SPAG8: variants seen among roughly 807,000 people sequenced by gnomAD.
SPAG8 encodes the protein sperm-associated antigen 8.
Under a neutral mutation model 45.3 loss-of-function variants are expected in SPAG8, and 36 were observed. That is an observed-to-expected ratio of 0.80 (90% CI 0.61 to 1.05). SPAG8 has a LOEUF of 1.05. Among genes scored for constraint, SPAG8 ranks in the 50% least tolerant of loss-of-function variants. The probability of loss-of-function intolerance (pLI) is 0.00; values close to 1 mark genes in which losing one functional copy is unlikely to be tolerated. For missense variants in SPAG8, 573 were observed against 609.2 expected (o/e 0.94, Z 0.63); for synonymous variants, 227 against 232.6 (o/e 0.98, Z 0.22).
At chr9:35,809,363 C>T, downstream of SPAG8, 1 of 1,613,958 alleles carries the variant, frequency 6.2e-7, no homozygotes, top group Non-Finnish European at 8.5e-7. The surrounding 1 kb of genome is among the most constrained non-coding windows in gnomAD (Gnocchi z 4.1). Context: ...GAATCATGTC[C>T]ACTCTCCCAC....
chr9:35,809,879 C>T lies in SPAG8; in HGVS notation c.*59G>A, dbSNP rs1011876481. On this transcript the variant is annotated 3_prime_UTR_variant, in exon 7 of 7. Transcript: ENST00000396638. The surrounding 1 kb of genome is among the most constrained non-coding windows in gnomAD (Gnocchi z 4.1). ...CAGTGAGAATTAACTTCCTCCCGAC[C>T]TCTCTAGTGCAGACAGAAATAGATT... is the stretch of plus-strand genomic sequence containing the variant. The T allele has an allele frequency of 4.6e-6, 7 of 1,534,518 alleles. No homozygotes were observed. The highest frequency in any genetic ancestry group is 6.1e-6 in the Non-Finnish European group (7 of 1,145,610).
At chr9:35,808,111 G>A (rs542067234), downstream of SPAG8, 2 of 1,241,340 alleles carry the variant, frequency 1.6e-6, no homozygotes, top group South Asian at 2.4e-5. The surrounding 1 kb of genome is among the most constrained non-coding windows in gnomAD (Gnocchi z 4.0). Context: ...TCAAATGCCT[G>A]CTTTCCTCCT....
downstream of SPAG8, chr9:35,808,875 C>A: frequency 7.4e-7 from 1 of 1,344,414 alleles, no homozygotes; most frequent in Non-Finnish European, 1.1e-6. This position sits in a 1 kb window ranked among gnomAD's most constrained non-coding sequence, Gnocchi z 4.0. Flanking sequence ...GCCCTCAACC[C>A]CACTGTTGGC....
chr9:35,809,904 T>G lies in SPAG8; in HGVS notation c.*34A>C, dbSNP rs571101742. Reference sequence around the variant, plus strand: ...CTCTCTAGTGCAGACAGAAATAGATTCCATATTCCATACCCCACTTCCCTC... The same window carrying G: ...CTCTCTAGTGCAGACAGAAATAGATGCCATATTCCATACCCCACTTCCCTC... On this transcript the variant is annotated 3_prime_UTR_variant, in exon 7 of 7. Transcript: ENST00000396638. This position sits in a 1 kb window ranked among gnomAD's most constrained non-coding sequence, Gnocchi z 4.1. 45 of 1,540,726 alleles carry G rather than the reference T, an allele frequency of 2.9e-5. No homozygotes were observed. The highest frequency in any genetic ancestry group is 2.8e-4 in the African/African-American group (20 of 72,336).
chr9:35,809,088 C>T (rs937721911), downstream of SPAG8: 3 of 1,423,062 alleles, frequency 2.1e-6, no homozygotes, highest in Non-Finnish European at 2.0e-6. This position sits in a 1 kb window ranked among gnomAD's most constrained non-coding sequence, Gnocchi z 4.1. Context: ...TATACAGTAT[C>T]ACCAATTATT....
Position 35,810,702 on chromosome 9 carries a change from T to C in SPAG8, c.1040-20A>G. On this transcript the variant is annotated intron_variant, in intron 3 of 6. Coordinates refer to ENST00000396638, the MANE Select transcript of SPAG8 (RefSeq NM_001039592.2). ...GCTTCCCTGTGAGAGAGTTGGGGGG[T>C]GGGCAAGGTGGGGTCTGGTTAAGAA... 1 of 1,613,258 alleles carries C rather than the reference T, an allele frequency of 6.2e-7. No homozygotes were observed. Among genetic ancestry groups the C allele is most frequent in the East Asian group, 2.2e-5 (1 of 44,842 alleles).
Position 35,811,857 on chromosome 9 carries a change from G to A in SPAG8, c.189C>T (p.Ala63=). The change falls in exon 2 of 7, where the codon GCC becomes GCT. Residue 63 remains alanine (A), a synonymous_variant. Transcript: ENST00000396638. ...AAASAAAATA[A]FTTAKAAALS... ...ATGCAGCTGCTTTGGCAGTGGTGAA[G>A]GCTGCAGTAGCTGCAGCAGCTGATG... 6.2e-7 allele frequency: 1 copy of A among 1,611,180 alleles called. No individual in the cohort carries two copies. Among genetic ancestry groups the A allele is most frequent in the Non-Finnish European group, 8.5e-7 (1 of 1,177,730 alleles).
chr9:35,811,001 A>G lies in SPAG8; in HGVS notation c.921T>C (p.Phe307=), dbSNP rs771450637. The change falls in exon 3 of 7, where the codon TTT becomes TTC. Residue 307 remains phenylalanine, a synonymous_variant. Coordinates refer to ENST00000396638, the MANE Select transcript of SPAG8 (RefSeq NM_001039592.2). Reference sequence around the variant, plus strand: ...GTCCCCGGTGTCCGTGTCGGAAGAAAAAACTCTCAGAGCCATCCTGCATGC... The same window carrying G: ...GTCCCCGGTGTCCGTGTCGGAAGAAGAAACTCTCAGAGCCATCCTGCATGC... ...VPSMQDGSES[F]FFRHGHRGLL... is the part of the protein sequence containing the mutation. 3.7e-6 allele frequency: 6 copies of G among 1,613,894 alleles called. No homozygotes were observed. In the East Asian group the frequency reaches 8.9e-5, roughly 24 times the overall value.
downstream of SPAG8, chr9:35,809,783 T>C: frequency 6.4e-7 from 1 of 1,553,510 alleles, no homozygotes; most frequent in Non-Finnish European, 8.7e-7. The surrounding 1 kb of genome is among the most constrained non-coding windows in gnomAD (Gnocchi z 4.1). Context: ...ATGCACACAG[T>C]GACTCACAGA....
At chr9:35,809,453 T>C (rs1370208213), downstream of SPAG8, 2 of 1,614,048 alleles carry the variant, frequency 1.2e-6, no homozygotes, top group African/African-American at 1.3e-5. The surrounding 1 kb of genome is among the most constrained non-coding windows in gnomAD (Gnocchi z 4.1). Context: ...TAAACCCCCA[T>C]TCTTTCCAAG....
downstream of SPAG8, chr9:35,808,310 G>C (rs761190573): frequency 4.4e-6 from 7 of 1,596,812 alleles, no homozygotes; most frequent in Non-Finnish European, 6.0e-6. The surrounding 1 kb of genome is among the most constrained non-coding windows in gnomAD (Gnocchi z 4.0). Flanking sequence ...CCAGGTGCTG[G>C]GTGGAGAAAG....
At position 35,811,257 on chromosome 9, in the gene SPAG8, G is replaced by A. The variant is rs757381923; in HGVS notation, c.789C>T (p.Asp263=). ...AGCAAACCATAAGCTTCCCTTTAAT[G>A]TCTGGGGGTTTCCATAGTCCTCGGG... The part of the protein sequence containing the change: ...PGARGLWKPP[D]IKGKLMVCYE... The change falls in exon 2 of 7, where the codon GAC becomes GAT. Residue 263 remains aspartate, a synonymous_variant. Transcript: ENST00000396638. 10 of 1,612,322 alleles carry A rather than the reference G, an allele frequency of 6.2e-6. No individual in the cohort carries two copies. The highest frequency in any genetic ancestry group is 1.7e-5 in the Admixed American group (1 of 59,858).
Position 35,811,376 on chromosome 9 carries a change from G to C in SPAG8, c.670C>G (p.Arg224Gly), listed in dbSNP as rs762006476. Residue 224 changes from arginine to glycine, a missense_variant, in exon 2 of 7, where the codon CGG (arginine) becomes GGG (glycine). Coordinates refer to ENST00000396638, the MANE Select transcript of SPAG8 (RefSeq NM_001039592.2). ...CTCCAGGAGGTATAGTTAGGGACCC[G>C]ATCTGCCACCAGGTTTCTGAACCCT... ...PPGFRNLVAD[R>G]VPNYTSWSQH... The C allele has an allele frequency of 1.2e-5, 20 of 1,614,146 alleles. No homozygotes were observed. The highest frequency in any genetic ancestry group is 1.7e-5 in the Non-Finnish European group (20 of 1,180,028).
rs1828747565 is a variant in SPAG8, at chr9:35,810,785, TA to T, written c.1039+97del. On this transcript the variant is annotated intron_variant, in intron 3 of 6. Transcript: ENST00000396638. ...AAGAAGAACCTTGGGGTTCCGCCCTTATATCCACTGGAGAATCCACAGCCCC... is the reference window on the plus strand; with the variant it reads ...AAGAAGAACCTTGGGGTTCCGCCCTTTATCCACTGGAGAATCCACAGCCCC... 1.1e-5 allele frequency: 17 copies of T among 1,598,214 alleles called. No homozygotes were observed. In the East Asian group the frequency reaches 3.8e-4, roughly 36 times the overall value.
At chr9:35,809,550 GA>G (rs1477564911), downstream of SPAG8, 1 of 1,588,180 alleles carries the variant, frequency 6.3e-7, no homozygotes, top group Non-Finnish European at 8.6e-7. The surrounding 1 kb of genome is among the most constrained non-coding windows in gnomAD (Gnocchi z 4.1). Context: ...ATATGCAATG[GA>G]AAACAGCCAC....
chr9:35,811,295 A>C lies in SPAG8; in HGVS notation c.751T>G (p.Leu251Val), dbSNP rs774010253. Reference protein sequence around the residue: ...KQPPWEFLQVLEPGARGLWKP... With the variant: ...KQPPWEFLQVVEPGARGLWKP... Reference sequence around the variant, plus strand: ...CATAGTCCTCGGGCACCCGGTTCTAAGACTTGCAAAAATTCCCAAGGTGGT... The same window carrying C: ...CATAGTCCTCGGGCACCCGGTTCTACGACTTGCAAAAATTCCCAAGGTGGT... The change falls in exon 2 of 7, where the codon TTA (leucine) becomes GTA (valine). Residue 251 changes from leucine to valine, a missense_variant. Leu to Val is a conservative substitution (Grantham distance 32). Coordinates refer to ENST00000396638, the MANE Select transcript of SPAG8 (RefSeq NM_001039592.2). The C allele has an allele frequency of 1.2e-5, 19 of 1,614,022 alleles. No individual in the cohort carries two copies. The highest frequency in any genetic ancestry group is 1.6e-5 in the Non-Finnish European group (19 of 1,180,016).
downstream of SPAG8, chr9:35,808,868 C>T: frequency 1.4e-6 from 2 of 1,420,832 alleles, no homozygotes; most frequent in South Asian, 1.1e-5. The surrounding 1 kb of genome is among the most constrained non-coding windows in gnomAD (Gnocchi z 4.0). Context: ...GACATTAGCC[C>T]TCAACCCCAC....
In SPAG8 at chr9:35,810,638, A is replaced by G; in HGVS notation, c.1084T>C (p.Cys362Arg). ...MLEMLLQHQICKEVQAEQEPT... is the reference protein window; with the variant it reads ...MLEMLLQHQIRKEVQAEQEPT... ...CTTCCCCTTTACCCAATCCCTTACC[A>G]GATCTGATGCTGCAGGAGCATCTCC... The change falls in exon 4 of 7, where the codon TGT becomes CGT. Residue 362 changes from cysteine to arginine, a missense_variant and splice_region_variant. Physicochemically the swap from Cys to Arg is radical, Grantham distance 180 (BLOSUM62 -3). Transcript: ENST00000396638. 6.2e-7 allele frequency: 1 copy of G among 1,613,852 alleles called. No individual in the cohort carries two copies. Among genetic ancestry groups the G allele is most frequent in the East Asian group, 2.2e-5 (1 of 44,858 alleles).
downstream of SPAG8, chr9:35,809,716 A>G: frequency 7.8e-7 from 1 of 1,280,142 alleles, no homozygotes; most frequent in Non-Finnish European, 1.1e-6. The surrounding 1 kb of genome is among the most constrained non-coding windows in gnomAD (Gnocchi z 4.1). Context: ...CAATAATAAA[A>G]AAAGTTCTGA....
Sources: allele counts gnomAD v4.1 joint callset, GRCh38; gene constraint gnomAD v4.1.1; non-coding constraint Gnocchi (gnomAD v3.1); transcripts MANE v1.5; gene names NCBI Gene and HGNC (gene_info 2026-07-23, HGNC 2026-07-21).